The following SBF2 variants were observed in gnomAD, a reference collection of about 807,000 sequenced individuals.
The protein encoded by SBF2 is myotubularin-related protein 13.
In SBF2, 112 loss-of-function variants were observed where a neutral mutation model predicts 225.2. The ratio of observed to expected loss-of-function variants is 0.50; its 90% CI spans 0.43 to 0.58. The LOEUF is 0.58. Among genes scored for constraint, SBF2 ranks in the 20% least tolerant of loss-of-function variants. The pLI, the probability that SBF2 is intolerant of heterozygous loss-of-function variation, is 0.00. For synonymous variants in SBF2, 763 were observed against 773.3 expected (o/e 0.99, Z 0.22); for missense variants, 1,996 against 2,206.2 (o/e 0.90, Z 1.91).
At chr11:10,037,392 G>C (rs778559516) in intron 3 of SBF2, among the ~76,000 whole-genome samples, 65 of 152,072 alleles carry the variant, frequency 4.3e-4, no homozygotes, top group Non-Finnish European at 8.7e-4. Context: ...TTAGTCTCTA[G>C]AATGCTACCA....
chr11:10,041,189 A>T (rs1408836683), intron 3 of SBF2, among the ~76,000 whole-genome samples: 1 of 152,138 alleles, frequency 6.6e-6, no homozygotes, highest in African/African-American at 2.4e-5. Flanking sequence ...CAACAGAGAA[A>T]CGAAAGGCCA....
Position 9,856,490 on chromosome 11 carries a change from C to T in SBF2, c.2331G>A (p.Trp777Ter). The change falls in exon 19 of 40, where the codon TGG becomes TGA. Residue 777 changes from tryptophan (W) to a stop codon, truncating the protein, a stop_gained. Transcript: ENST00000256190. LOFTEE classifies it high-confidence loss of function. ...KLLRTSAPGD[W>*]ESGSNSIVTN... is the part of the protein sequence containing the mutation. ...TGACAATGCTGTTGCTTCCGCTCTC[C>T]CAGTCACCTGGCGCTGATGTTCTTA... 6.2e-7 allele frequency: 1 copy of T among 1,614,144 alleles called. No individual in the cohort carries two copies. The highest frequency in any genetic ancestry group is 8.5e-7 in the Non-Finnish European group (1 of 1,180,040).
chr11:10,214,936 G>A (rs1486597080), intron 1 of SBF2, among the ~76,000 whole-genome samples: 1 of 152,112 alleles, frequency 6.6e-6, no homozygotes, highest in African/African-American at 2.4e-5. Flanking sequence ...AAGTAGAGAG[G>A]CAGGGTCCAG....
At chr11:9,839,021 C>T (rs2133950703) in intron 26 of SBF2, 1 of 187,112 alleles carries the variant, frequency 5.3e-6, no homozygotes, top group Non-Finnish European at 1.1e-5. Flanking sequence ...CCAAAACTGG[C>T]CATGCCTACT....
Position 9,782,915 on chromosome 11 carries a change from C to G in SBF2, c.5320-1277G>C, listed in dbSNP as rs140325534. 2.0e-5 allele frequency: 3 copies of G among 151,428 alleles called. No homozygotes were observed. The East Asian group carries it at 5.8e-4, about 29-fold the overall frequency. The allele number at this position is 151,428 out of a possible 1,614,324, so 9.4% of individuals were successfully genotyped here. A position where few individuals can be genotyped will look rare whatever the true frequency, so the allele number is the denominator to read the frequency against. The stretch of plus-strand genomic sequence containing the variant: ...GAAAAAAGGAAAAAAGTCAAAGAGA[C>G]TGCTAGGGAATAAGCCTTATTGGGC... On this transcript the variant is annotated intron_variant, in intron 38 of 39. Coordinates refer to ENST00000256190, the MANE Select transcript of SBF2 (RefSeq NM_030962.4).
chr11:9,961,920 CAAAT>C, intron 16 of SBF2, 33 bp downstream of exon 16: 1 of 1,592,698 alleles, frequency 6.3e-7, no homozygotes, highest in South Asian at 1.1e-5. Flanking sequence ...AAAGTATTCT[CAAAT>C]AAGAGGAATA....
chr11:10,016,130 C>T (rs930510450), intron 6 of SBF2, among the ~76,000 whole-genome samples: 1 of 152,004 alleles, frequency 6.6e-6, no homozygotes, highest in Non-Finnish European at 1.5e-5. Context: ...AAAGGATAAC[C>T]GATTTACAAG....
At chr11:9,788,640 G>C (rs1246094738) in intron 35 of SBF2, among the ~76,000 whole-genome samples, 1 of 147,900 alleles carries the variant, frequency 6.8e-6, no homozygotes, top group Non-Finnish European at 1.5e-5. Flanking sequence ...TGTCACCCAG[G>C]CTGGAGTGCA....
intron 17 of SBF2, among the ~76,000 whole-genome samples, chr11:9,887,025 T>C (rs1860379945): frequency 1.3e-5 from 2 of 152,120 alleles, no homozygotes; most frequent in Non-Finnish European, 1.5e-5. Flanking sequence ...TCTACTGAAC[T>C]GAACTGTACT....
chr11:10,276,738 A>T (rs1160476521), intron 1 of SBF2, among the ~76,000 whole-genome samples: 2 of 152,198 alleles, frequency 1.3e-5, no homozygotes, highest in African/African-American at 4.8e-5. Flanking sequence ...GAACACACTC[A>T]ATTTTTTTAA....
intron 2 of SBF2, among the ~76,000 whole-genome samples, chr11:10,049,097 A>G (rs1949973442): frequency 6.6e-6 from 1 of 152,238 alleles, no homozygotes; most frequent in African/African-American, 2.4e-5. Context: ...AAAAAAATCA[A>G]ATCACAAGAG....
In SBF2 at chr11:9,823,481, G is replaced by C. The variant is rs139836293; in HGVS notation, c.3793+5875C>G. Among the ~76,000 whole-genome samples, 5 of 150,524 alleles carry C rather than the reference G, an allele frequency of 3.3e-5. No individual in the cohort carries two copies. The East Asian group carries it at 9.7e-4, about 29-fold the overall frequency. On this transcript the variant is annotated intron_variant, in intron 28 of 39. Coordinates refer to ENST00000256190, the MANE Select transcript of SBF2 (RefSeq NM_030962.4). The stretch of plus-strand genomic sequence containing the variant: ...AGGGGAGCAAAAAGAAAAAGGCTAG[G>C]AAGAAGAACTAGGGGTTAGGGTAAA...
chr11:10,166,960 T>TA (rs1955983457), intron 2 of SBF2, among the ~76,000 whole-genome samples: 1 of 121,798 alleles, frequency 8.2e-6, no homozygotes, highest in Admixed American at 8.7e-5. Flanking sequence ...AGACTCTGTC[T>TA]CCACACACAC....
intron 1 of SBF2, among the ~76,000 whole-genome samples, chr11:10,274,594 T>C (rs1417328033): frequency 2.0e-5 from 3 of 151,720 alleles, no homozygotes; most frequent in African/African-American, 7.3e-5. Context: ...CTACTAATAA[T>C]ACAAAAATGA....
At chr11:9,828,728 G>A in intron 28 of SBF2, 2 of 698,958 alleles carry the variant, frequency 2.9e-6, no homozygotes, top group Non-Finnish European at 3.5e-6. Flanking sequence ...GATATTTTGG[G>A]AATTTCAAAC....
chr11:10,190,210 A>T (rs1201873929), intron 2 of SBF2, among the ~76,000 whole-genome samples: 1 of 152,130 alleles, frequency 6.6e-6, no homozygotes, highest in Admixed American at 6.5e-5. Flanking sequence ...TAATTCTTTA[A>T]GCTGTTTAGA....
intron 19 of SBF2, among the ~76,000 whole-genome samples, chr11:9,855,815 G>A (rs1251361107): frequency 1.3e-5 from 2 of 152,216 alleles, no homozygotes; most frequent in Non-Finnish European, 2.9e-5. Flanking sequence ...AAGTGAGGAA[G>A]TGATTCTTGG....
At chr11:10,271,040 C>T (rs1962451581) in intron 1 of SBF2, among the ~76,000 whole-genome samples, 2 of 142,072 alleles carry the variant, frequency 1.4e-5, no homozygotes, top group Admixed American at 1.4e-4. Flanking sequence ...ATTAATTATA[C>T]ATATATACGT....
chr11:10,249,687 C>T (rs1490852287), intron 1 of SBF2, among the ~76,000 whole-genome samples: 1 of 151,520 alleles, frequency 6.6e-6, no homozygotes, highest in African/African-American at 2.4e-5. Context: ...CTTCTGACTT[C>T]TAACTTTGGA....
Sources: gnomAD v4.1 joint callset for allele counts (sites outside exome capture counted in the v4.1 genomes callset) on GRCh38, gnomAD v4.1.1 for gene constraint, MANE v1.5 for transcripts, NCBI Gene and HGNC (gene_info 2026-07-23, HGNC 2026-07-21) for gene names.